DENND2B: variants seen among roughly 807,000 people sequenced by gnomAD.
DENND2B encodes the protein DENN domain containing 2B, also known as DENN domain-containing protein 2B.
Under a neutral mutation model 116.0 loss-of-function variants are expected in DENND2B, and 32 were observed. The ratio of observed to expected loss-of-function variants is 0.28; its 90% CI spans 0.21 to 0.37. The LOEUF is 0.37. DENND2B is among the 10% of genes least tolerant of loss of function. The pLI is 1.00. For missense variants in DENND2B, 1,276 were observed against 1,477.7 expected, an observed-to-expected ratio of 0.86 and a Z score of 2.24; for synonymous variants, 588 against 583.9, an observed-to-expected ratio of 1.01 and a Z score of -0.10.
In DENND2B at chr11:8,838,254, A is replaced by C. The variant is rs536579544; in HGVS notation, c.-115+1056T>G. The stretch of plus-strand genomic sequence containing the variant: ...GGCTTACTCTTTAGATTCCTATCTC[A>C]TACCCACAGAGTCCTGTCTTCTTCA... On this transcript the variant is annotated intron_variant, in intron 4 of 6. Transcript: ENST00000524757. Among the ~76,000 whole-genome samples, 18 of 152,240 alleles carry C rather than the reference A, an allele frequency of 1.2e-4. 1 individual carries two copies. In the South Asian group the frequency reaches 1.5e-3, roughly 12 times the overall value.
intron 2 of DENND2B, 116 bp from the exon 3 acceptor site, chr11:8,731,325 C>A: frequency 1.0e-6 from 1 of 1,003,766 alleles, no homozygotes; most frequent in South Asian, 1.9e-5. Flanking sequence ...GGAGGACTCT[C>A]AAAGAGTATT....
chr11:8,882,388 C>G (rs1455100368), intron 1 of DENND2B, among the ~76,000 whole-genome samples: 7 of 152,232 alleles, frequency 4.6e-5, no homozygotes, highest in Non-Finnish European at 8.8e-5. Context: ...AGGCTCACTT[C>G]ATAGCCCATA....
intron 1 of DENND2B, among the ~76,000 whole-genome samples, chr11:8,782,441 A>G (rs1023479722): frequency 1.3e-5 from 2 of 152,206 alleles, no homozygotes; most frequent in African/African-American, 4.8e-5. Context: ...GCCTCCAAGC[A>G]TGAGTACATA....
intron 2 of DENND2B, among the ~76,000 whole-genome samples, chr11:8,742,442 G>A (rs1350407575): frequency 1.3e-5 from 2 of 152,210 alleles, no homozygotes; most frequent in African/African-American, 4.8e-5. Flanking sequence ...CTGTCAGTAG[G>A]GGCATAAAGG....
intron 1 of DENND2B, among the ~76,000 whole-genome samples, chr11:8,754,434 G>C (rs2053245030): frequency 6.6e-6 from 1 of 152,162 alleles, no homozygotes; most frequent in East Asian, 1.9e-4. Flanking sequence ...ATGCTAGTGA[G>C]ACTGTAGAGA....
At chr11:8,868,073 T>C (rs550364555) in intron 2 of DENND2B, among the ~76,000 whole-genome samples, 25 of 152,280 alleles carry the variant, frequency 1.6e-4, no homozygotes, top group African/African-American at 3.4e-4. Context: ...AGCAGTGGCA[T>C]TGATCCACAT....
At chr11:8,820,468 C>T (rs4617587) in intron 4 of DENND2B, among the ~76,000 whole-genome samples, 140,940 of 152,270 alleles carry the variant, frequency 0.93, 66,191 homozygotes, top group East Asian at 1. Flanking sequence ...GTTTCCAGCA[C>T]TATTTTTAAT....
intron 5 of DENND2B, 25 bp downstream of exon 5, chr11:8,717,716 C>T (rs370693396): frequency 8.5e-6 from 13 of 1,523,798 alleles, no homozygotes; most frequent in South Asian, 2.6e-5. Context: ...GCTAACCCTA[C>T]AGGCCGATGT....
rs1592658931 is a variant in DENND2B at position 8,718,229 on chromosome 11, G to C, written c.1478-337C>G. On this transcript the variant is annotated intron_variant, in intron 4 of 19. Transcript: ENST00000313726. Reference sequence around the variant, plus strand: ...AGCCAGAGGACAAAGCCAGCAACAAGAGTCTTTCCTTGGCTCCCTTCCCTC... The same window carrying C: ...AGCCAGAGGACAAAGCCAGCAACAACAGTCTTTCCTTGGCTCCCTTCCCTC... 11 of 913,738 alleles carry C rather than the reference G, an allele frequency of 1.2e-5. No individual in the cohort carries two copies. In the East Asian group the frequency reaches 2.9e-4, roughly 24 times the overall value. 56.6% of individuals were successfully genotyped at this position (913,738 alleles called of 1,614,324 possible). A position where few individuals can be genotyped will look rare whatever the true frequency, so the allele number is the denominator to read the frequency against.
At chr11:8,788,548 C>T (rs1437881907) in intron 1 of DENND2B, among the ~76,000 whole-genome samples, 1 of 152,194 alleles carries the variant, frequency 6.6e-6, no homozygotes, top group Admixed American at 6.5e-5. Context: ...AACTACCCCA[C>T]ATCTTCAAAC....
chr11:8,828,385 C>T (rs2062060471), intron 4 of DENND2B, among the ~76,000 whole-genome samples: 1 of 152,132 alleles, frequency 6.6e-6, no homozygotes, highest in South Asian at 2.1e-4. Flanking sequence ...AAGCCTCCTG[C>T]CCCCCAGGAT....
intron 1 of DENND2B, among the ~76,000 whole-genome samples, chr11:8,778,118 C>G (rs531263097): frequency 1.3e-5 from 2 of 152,300 alleles, no homozygotes; most frequent in East Asian, 3.9e-4. Context: ...TGAGCACTAA[C>G]GGGGATCAAT....
At position 8,725,104 on chromosome 11, in the gene DENND2B, A is replaced by G. The variant is rs143823227; in HGVS notation, c.1477+969T>C. Among the ~76,000 whole-genome samples the G allele has an allele frequency of 4.5e-3, 686 of 152,362 alleles. 4 individuals are homozygous for G. The highest frequency in any genetic ancestry group is 0.016 in the African/African-American group (659 of 41,584). ...CTGCCAGCACCATGAAACTGGGGCA[A>G]TGAAATGTGTTAGCTTGTACAATAG... On this transcript the variant is annotated intron_variant, in intron 4 of 19. Transcript: ENST00000313726.
At chr11:8,872,743 G>A (rs1018747789), upstream of DENND2B, among the ~76,000 whole-genome samples, 5 of 152,074 alleles carry the variant, frequency 3.3e-5, no homozygotes, top group African/African-American at 7.2e-5. Flanking sequence ...TCAATTCCTC[G>A]TTGAGTTGCT....
intron 4 of DENND2B, among the ~76,000 whole-genome samples, chr11:8,836,308 A>G (rs1056561333): frequency 2.6e-5 from 4 of 151,930 alleles, no homozygotes; most frequent in African/African-American, 9.7e-5. Flanking sequence ...TTTCTCTAGC[A>G]AGTTTCAGCA....
intron 14 of DENND2B, among the ~76,000 whole-genome samples, chr11:8,700,253 CTT>C (rs1430992057): frequency 3.9e-5 from 6 of 152,176 alleles, no homozygotes; most frequent in African/African-American, 1.4e-4. Flanking sequence ...GGAGGGGCCT[CTT>C]GGAACTGCTG....
intron 1 of DENND2B, chr11:8,881,165 T>C (rs1411955399): frequency 6.6e-6 from 1 of 152,192 alleles, no homozygotes; most frequent in East Asian, 1.9e-4. Flanking sequence ...TATATATTTT[T>C]ATGTCTTTGG....
intron 11 of DENND2B, among the ~76,000 whole-genome samples, chr11:8,710,632 C>G (rs1486362394): frequency 6.6e-6 from 1 of 152,102 alleles, no homozygotes; most frequent in African/African-American, 2.4e-5. Context: ...TCAGAAGCAC[C>G]ACTCTGAGCC....
Position 8,860,567 on chromosome 11 carries a change from C to A in DENND2B, c.-249-3131G>T, listed in dbSNP as rs1440140141. ...GGTGACACAAACAAATAGAAATACACCCCATGCTCATGAAATCAAAGAATC... is the reference window on the plus strand; with the variant it reads ...GGTGACACAAACAAATAGAAATACAACCCATGCTCATGAAATCAAAGAATC... On this transcript the variant is annotated intron_variant, in intron 2 of 6. Coordinates refer to the DENND2B transcript ENST00000524757. 2.0e-5 allele frequency among the ~76,000 whole-genome samples: 3 copies of A among 152,120 alleles called. No individual in the cohort carries two copies. In the East Asian group the frequency reaches 5.8e-4, roughly 29 times the overall value.
Sources: allele counts gnomAD v4.1 joint callset (sites outside exome capture counted in the v4.1 genomes callset), GRCh38; gene constraint gnomAD v4.1.1; transcripts MANE v1.5; gene names NCBI Gene and HGNC (gene_info 2026-07-23, HGNC 2026-07-21).